The following GALNT13 variants were observed in gnomAD, a reference collection of about 807,000 sequenced individuals.
GALNT13 encodes the protein polypeptide N-acetylgalactosaminyltransferase 13.
GALNT13 carries 28 observed loss-of-function variants against 64.2 expected under a neutral mutation model. The ratio of observed to expected loss-of-function variants is 0.44; its 90% CI spans 0.32 to 0.60. The LOEUF (loss-of-function observed/expected upper bound fraction) is 0.60. Ranked by LOEUF, GALNT13 falls within the 20% of genes least tolerant of loss-of-function variation. The pLI is 0.05. For missense variants in GALNT13, 577 were observed against 669.8 expected (o/e 0.86, Z 1.53); for synonymous variants, 214 against 224.6 (o/e 0.95, Z 0.42).
At chr2:153,408,089 C>A in the GALNT13 span, among the ~76,000 whole-genome samples, 1 of 152,154 alleles carries the variant, frequency 6.6e-6, no homozygotes, top group Admixed American at 6.5e-5. Context: ...TCCTAATGAG[C>A]CCCCAGTGGG....
intron 4 of GALNT13, among the ~76,000 whole-genome samples, chr2:154,154,972 A>G (rs1008113829): frequency 6.6e-6 from 1 of 151,138 alleles, no homozygotes; most frequent in Non-Finnish European, 1.5e-5. Flanking sequence ...GTGTGTATAA[A>G]CATACATATA....
the GALNT13 span, among the ~76,000 whole-genome samples, chr2:153,727,340 T>G: frequency 6.6e-6 from 1 of 150,628 alleles, no homozygotes; most frequent in Non-Finnish European, 1.5e-5. Context: ...TCATTCTCAT[T>G]GTTGTATATT....
chr2:153,297,706 A>C, the GALNT13 span, among the ~76,000 whole-genome samples: 1 of 152,224 alleles, frequency 6.6e-6, no homozygotes, highest in Admixed American at 6.5e-5. Flanking sequence ...AAAGTAAATA[A>C]TGAGCAGTCA....
At chr2:154,338,569 AG>A (rs1176561201) in intron 9 of GALNT13, among the ~76,000 whole-genome samples, 3 of 152,092 alleles carry the variant, frequency 2.0e-5, no homozygotes, top group African/African-American at 7.2e-5. Flanking sequence ...GGGCCACATG[AG>A]GCAGCCCCAC....
chr2:154,401,567 A>T lies in GALNT13; in HGVS notation c.1296+5437A>T, dbSNP rs563288664. On this transcript the variant is annotated intron_variant, in intron 10 of 12. Transcript: ENST00000392825. ...TGGGCTAGGCAACTCACCTGTGAAC[A>T]AAGTGAGCTATTTTTATTACTTGAA... Among the ~76,000 whole-genome samples, 10 of 152,266 alleles carry T rather than the reference A, an allele frequency of 6.6e-5. No homozygotes were observed. In the South Asian group the frequency reaches 1.7e-3, roughly 25 times the overall value.
chr2:153,080,971 C>T, the GALNT13 span, among the ~76,000 whole-genome samples: 1 of 151,924 alleles, frequency 6.6e-6, no homozygotes, highest in South Asian at 2.1e-4. Context: ...CTTGTATTCA[C>T]TGCCCACCCT....
chr2:153,593,458 C>G, the GALNT13 span, among the ~76,000 whole-genome samples: 1 of 152,170 alleles, frequency 6.6e-6, no homozygotes, highest in East Asian at 1.9e-4. Context: ...TCAGACACAC[C>G]TAGCCCTGCC....
intron 11 of GALNT13, among the ~76,000 whole-genome samples, chr2:154,426,899 C>G (rs910386142): frequency 1.3e-5 from 2 of 152,074 alleles, no homozygotes; most frequent in African/African-American, 4.8e-5. Flanking sequence ...CAATTCAATT[C>G]ATAATTGTTG....
chr2:154,090,659 C>T (rs1701759684), intron 3 of GALNT13, among the ~76,000 whole-genome samples: 2 of 151,982 alleles, frequency 1.3e-5, no homozygotes, highest in South Asian at 4.1e-4. Context: ...CAGGAAATCG[C>T]TTCAGATATT....
chr2:153,432,913 T>A, the GALNT13 span, among the ~76,000 whole-genome samples: 1 of 152,196 alleles, frequency 6.6e-6, no homozygotes, highest in Admixed American at 6.6e-5. Context: ...TCCTACTTGA[T>A]TTAATGACCT....
At chr2:153,362,553 C>CAAAAAAAAAAAAA in the GALNT13 span, among the ~76,000 whole-genome samples, 1 of 80,320 alleles carries the variant, frequency 1.2e-5, no homozygotes, top group African/African-American at 5.2e-5. Context: ...AAATGGAGAG[C>CAAAAAAAAAAAAA]AAAAAAAAAA....
At chr2:153,512,832 C>G in the GALNT13 span, among the ~76,000 whole-genome samples, 2 of 152,188 alleles carry the variant, frequency 1.3e-5, no homozygotes, top group East Asian at 3.9e-4. Flanking sequence ...AAAACAGATG[C>G]CTGGCAAAGA....
chr2:153,901,815 A>G (rs1305197642), intron 2 of GALNT13, among the ~76,000 whole-genome samples: 1 of 152,214 alleles, frequency 6.6e-6, no homozygotes, highest in Non-Finnish European at 1.5e-5. Context: ...ACTTAAAAAT[A>G]TATAACAGCT....
chr2:154,064,167 G>C (rs1700338837), intron 3 of GALNT13, among the ~76,000 whole-genome samples: 1 of 152,208 alleles, frequency 6.6e-6, no homozygotes. Flanking sequence ...AGCCGACACT[G>C]ATGGAAGGAG....
At chr2:153,554,098 C>T in the GALNT13 span, among the ~76,000 whole-genome samples, 10 of 151,042 alleles carry the variant, frequency 6.6e-5, no homozygotes, top group African/African-American at 2.2e-4. Flanking sequence ...GGGCGGATCA[C>T]GAGGTCAGGA....
At chr2:153,216,051 C>T in the GALNT13 span, among the ~76,000 whole-genome samples, 2 of 151,870 alleles carry the variant, frequency 1.3e-5, no homozygotes, top group African/African-American at 4.8e-5. Flanking sequence ...TCTGTCTTTT[C>T]CAGAATGTTA....
the GALNT13 span, among the ~76,000 whole-genome samples, chr2:153,787,975 G>A: frequency 0.01 from 1,541 of 152,260 alleles, 22 homozygotes; most frequent in African/African-American, 0.034. Flanking sequence ...TAGCATCCCT[G>A]AAAGTGACAG....
At chr2:153,788,756 T>C in the GALNT13 span, among the ~76,000 whole-genome samples, 1 of 151,886 alleles carries the variant, frequency 6.6e-6, no homozygotes, top group African/African-American at 2.4e-5. Flanking sequence ...TGGAGGGAAA[T>C]CTGCCGAGGA....
chr2:153,256,161 C>A, the GALNT13 span, among the ~76,000 whole-genome samples: 1 of 151,192 alleles, frequency 6.6e-6, no homozygotes, highest in African/African-American at 2.4e-5. Flanking sequence ...AGGCTTTGCT[C>A]GTTTCTTTTT....
Sources: gnomAD v4.1 joint callset for allele counts (sites outside exome capture counted in the v4.1 genomes callset) on GRCh38, gnomAD v4.1.1 for gene constraint, MANE v1.5 for transcripts, NCBI Gene and HGNC (gene_info 2026-07-23, HGNC 2026-07-21) for gene names.